Variants in RAD21 observed in about 807,000 individuals in gnomAD.
RAD21 encodes double-strand-break repair protein rad21 homolog.
A neutral mutation model predicts 71.5 loss-of-function variants in RAD21; 18 were observed. The ratio of observed to expected loss-of-function variants is 0.25; its 90% CI spans 0.17 to 0.37. The LOEUF (loss-of-function observed/expected upper bound fraction) is 0.37, where lower values mean the gene tolerates loss of function less well. Among genes scored for constraint, RAD21 ranks in the 10% least tolerant of loss-of-function variants. The pLI is 1.00. For synonymous variants in RAD21, 248 were observed against 254.0 expected (o/e 0.98, Z 0.22); for missense variants, 493 against 769.1 (o/e 0.64, Z 4.25).
intron 1 of RAD21, among the ~76,000 whole-genome samples, chr8:116,873,653 G>A (rs766170654): frequency 1.1e-4 from 17 of 150,760 alleles, no homozygotes; most frequent in Non-Finnish European, 1.8e-4. Flanking sequence ...TTTTCACGCT[G>A]AAGACACTAA....
At chr8:116,866,249 C>A (rs983717562) in intron 2 of RAD21, among the ~76,000 whole-genome samples, 47 of 120,760 alleles carry the variant, frequency 3.9e-4, no homozygotes, top group Non-Finnish European at 6.4e-4. Flanking sequence ...AGCACTTCCA[C>A]GTCGGTTTTT....
At chr8:116,861,589 C>T (rs904020816) in intron 4 of RAD21, among the ~76,000 whole-genome samples, 14 of 151,820 alleles carry the variant, frequency 9.2e-5, no homozygotes, top group African/African-American at 2.4e-4. Context: ...TTTCAGTTTA[C>T]GTAAGCTTTG....
At position 116,856,374 on chromosome 8, in the gene RAD21, T is replaced by G. The variant is rs1052532744; in HGVS notation, c.815-86A>C. On this transcript the variant is annotated intron_variant, in intron 7 of 13. Coordinates refer to ENST00000297338, the MANE Select transcript of RAD21 (RefSeq NM_006265.3). ...CACAAATGGGGAGGAGAAAAATCTC[T>G]TCATGAAATGGAAAGAAATCCTGTT... The G allele has an allele frequency of 6.0e-6, 8 of 1,338,810 alleles. No homozygotes were observed. The African/African-American group carries it at 6.1e-5, about 10-fold the overall frequency. 82.9% of individuals were successfully genotyped at this position (1,338,810 alleles called of 1,614,324 possible). A position where few individuals can be genotyped will look rare whatever the true frequency, so the allele number is the denominator to read the frequency against.
At chr8:116,848,897 G>A (rs1185210461) in intron 13 of RAD21, 49 bp downstream of exon 13, 1 of 1,497,044 alleles carries the variant, frequency 6.7e-7, no homozygotes, top group East Asian at 2.4e-5. Flanking sequence ...GGGAACAATG[G>A]CAAAAGCCTT....
intron 4 of RAD21, among the ~76,000 whole-genome samples, chr8:116,861,130 G>A (rs1812584288): frequency 6.6e-6 from 1 of 152,034 alleles, no homozygotes; most frequent in Admixed American, 6.6e-5. Flanking sequence ...CACACATGCA[G>A]TAACAAAATA....
rs777009457 is a variant in RAD21, at chr8:116,866,772, A to G, written c.-32-11T>C. 52 of 1,495,406 alleles carry G rather than the reference A, an allele frequency of 3.5e-5. No homozygotes were observed. The highest frequency in any genetic ancestry group is 3.5e-4 in the Middle Eastern group (2 of 5,656). The allele number at this position is 1,495,406 out of a possible 1,614,324, so 92.6% of individuals were successfully genotyped here. A position where few individuals can be genotyped will look rare whatever the true frequency, so the allele number is the denominator to read the frequency against. On this transcript the variant is annotated splice_polypyrimidine_tract_variant and intron_variant, in intron 1 of 13. Transcript: ENST00000297338. Reference sequence around the variant, plus strand: ...AAAACAGAAGAAAACCTAAGAGGGGAAAAAAAAGTTAATGTAAACATCATC... The same window carrying G: ...AAAACAGAAGAAAACCTAAGAGGGGGAAAAAAAGTTAATGTAAACATCATC...
At chr8:116,864,596 T>C (rs1175972368) in intron 2 of RAD21, among the ~76,000 whole-genome samples, 1 of 152,068 alleles carries the variant, frequency 6.6e-6, no homozygotes, top group Non-Finnish European at 1.5e-5. Context: ...AAAATGTTGC[T>C]CCTAATGGAA....
chr8:116,853,926 A>G (rs537108866), intron 9 of RAD21, among the ~76,000 whole-genome samples: 3 of 152,362 alleles, frequency 2.0e-5, no homozygotes, highest in African/African-American at 7.2e-5. Flanking sequence ...TTCATTCAGA[A>G]AACATTTCAA....
In RAD21 at chr8:116,846,578, T is replaced by C. The variant is rs1812256347; in HGVS notation, c.*922A>G. ...TTACAATAAATATCAGAGAAGCCGTTAGTTTTTACAGCATCGTCTGCTTAA... is the reference window on the plus strand; with the variant it reads ...TTACAATAAATATCAGAGAAGCCGTCAGTTTTTACAGCATCGTCTGCTTAA... On this transcript the variant is annotated 3_prime_UTR_variant, in exon 14 of 14. Transcript: ENST00000297338. 8.7e-6 allele frequency: 2 copies of C among 229,148 alleles called. No homozygotes were observed. The highest frequency in any genetic ancestry group is 4.4e-5 in the African/African-American group (2 of 45,092). 14.2% of individuals were successfully genotyped at this position (229,148 alleles called of 1,614,324 possible).
chr8:116,862,795 T>A (rs1455298751), intron 3 of RAD21, among the ~76,000 whole-genome samples: 8 of 152,132 alleles, frequency 5.3e-5, no homozygotes, highest in Non-Finnish European at 1.2e-4. Flanking sequence ...AGCTATATTT[T>A]AAAAAATCAT....
chr8:116,872,437 G>C (rs1444534675), intron 1 of RAD21, among the ~76,000 whole-genome samples: 1 of 152,082 alleles, frequency 6.6e-6, no homozygotes, highest in Non-Finnish European at 1.5e-5. Context: ...TAAAATACCT[G>C]TGGCGTACAC....
chr8:116,855,170 A>G (rs558070262), intron 8 of RAD21, among the ~76,000 whole-genome samples: 2 of 152,134 alleles, frequency 1.3e-5, no homozygotes, highest in Non-Finnish European at 2.9e-5. Context: ...ACACAGTGAG[A>G]GTCTCTCTCT....
At chr8:116,873,277 G>C (rs761583753) in intron 1 of RAD21, among the ~76,000 whole-genome samples, 4 of 151,880 alleles carry the variant, frequency 2.6e-5, no homozygotes, top group Non-Finnish European at 5.9e-5. Context: ...ATAAAAAAAA[G>C]CACTATGTCT....
At chr8:116,866,953 A>C in intron 1 of RAD21, 192 bp from the exon 2 acceptor site, 1 of 375,230 alleles carries the variant, frequency 2.7e-6, no homozygotes, top group Non-Finnish European at 4.6e-6. Context: ...GAGAGGAAAA[A>C]AAAATAGACC....
chr8:116,849,745 T>C (rs1288587881), intron 12 of RAD21, among the ~76,000 whole-genome samples: 1 of 152,174 alleles, frequency 6.6e-6, no homozygotes, highest in Non-Finnish European at 1.5e-5. Flanking sequence ...AAGTCTGAGA[T>C]AATGGCACAT....
intron 1 of RAD21, among the ~76,000 whole-genome samples, chr8:116,867,221 C>A (rs1004244582): frequency 1.2e-4 from 18 of 152,100 alleles, no homozygotes; most frequent in Admixed American, 1.2e-3. Context: ...TGCTACTACA[C>A]GAAAAGTACT....
At chr8:116,868,016 A>G (rs1462895481) in intron 1 of RAD21, among the ~76,000 whole-genome samples, 1 of 152,118 alleles carries the variant, frequency 6.6e-6, no homozygotes, top group Non-Finnish European at 1.5e-5. Context: ...CTTGACAAAC[A>G]CCACCTGTTC....
chr8:116,854,598 T>C, intron 8 of RAD21, 130 bp from the exon 9 acceptor site: 1 of 719,706 alleles, frequency 1.4e-6, no homozygotes, highest in Non-Finnish European at 2.3e-6. Flanking sequence ...TTAAACTTCA[T>C]GAGGATAGAA....
Position 116,852,567 on chromosome 8 carries a change from G to C in RAD21, c.1303C>G (p.Gln435Glu), listed in dbSNP as rs1377574276. The C allele has an allele frequency of 1.2e-6, 2 of 1,612,502 alleles. No homozygotes were observed. Among genetic ancestry groups the C allele is most frequent in the Admixed American group, 1.7e-5 (1 of 59,698 alleles). ...AACAAACCGATAACATCACGCTGCT[G>C]ATGCTGCTGTTGCTGGTCCTCTCTA... ...VPREDQQQQH[Q>E]QRDVIDEPII... Residue 435 changes from glutamine (Q) to glutamate (E), a missense_variant, in exon 10 of 14, where the codon CAG becomes GAG. By Grantham distance (29) the Gln-to-Glu change is conservative. This residue lies in a region of RAD21 where 225 missense variants were observed against 218.3 expected (regional missense o/e 1.03). Transcript: ENST00000297338.
Sources: allele counts gnomAD v4.1 joint callset (sites outside exome capture counted in the v4.1 genomes callset), GRCh38; gene constraint gnomAD v4.1.1; regional missense constraint gnomAD v4.1.1; transcripts MANE v1.5; gene names NCBI Gene and HGNC (gene_info 2026-07-23, HGNC 2026-07-21).